KSR2: variants seen among roughly 807,000 people sequenced by gnomAD.
KSR2 encodes the protein kinase suppressor of ras 2.
In KSR2, 25 loss-of-function variants were observed where a neutral mutation model predicts 107.8. The observed-to-expected ratio is 0.23, with a 90% CI of 0.17 to 0.32. KSR2 has a LOEUF of 0.32. Among genes scored for constraint, KSR2 ranks in the 10% least tolerant of loss-of-function variants. The probability of loss-of-function intolerance (pLI) is 1.00; values close to 1 mark genes in which losing one functional copy is unlikely to be tolerated. For synonymous variants in KSR2, 480 were observed against 507.0 expected (o/e 0.95, Z 0.71); for missense variants, 887 against 1,268.9 (o/e 0.70, Z 4.57).
At chr12:117,876,024 A>G (rs2137302718) in intron 1 of KSR2, among the ~76,000 whole-genome samples, 2 of 152,266 alleles carry the variant, frequency 1.3e-5, no homozygotes, top group Middle Eastern at 6.8e-3. Flanking sequence ...CCAGGCCACT[A>G]AAAATAAATC....
At chr12:117,602,106 G>A (rs1880990326) in intron 5 of KSR2, among the ~76,000 whole-genome samples, 1 of 152,108 alleles carries the variant, frequency 6.6e-6, no homozygotes, top group Admixed American at 6.5e-5. Context: ...ATGTTCCTGT[G>A]TCACTAGATA....
chr12:117,801,283 A>AT (rs35746430), intron 3 of KSR2, among the ~76,000 whole-genome samples: 25,918 of 135,938 alleles, frequency 0.19, 2,923 homozygotes, highest in African/African-American at 0.33. Flanking sequence ...TGCCCGGCTA[A>AT]TTTTTTTTTT....
At chr12:117,924,633 A>G (rs1895454269) in intron 1 of KSR2, among the ~76,000 whole-genome samples, 1 of 151,752 alleles carries the variant, frequency 6.6e-6, no homozygotes, top group Non-Finnish European at 1.5e-5. Context: ...GCATGAAGGA[A>G]GAAGTTAAAC....
chr12:117,558,374 G>C (rs1877854108), intron 8 of KSR2, 132 bp downstream of exon 8: 3 of 668,702 alleles, frequency 4.5e-6, no homozygotes, highest in Non-Finnish European at 5.4e-6. Context: ...GCGTCAGAGA[G>C]AAAGAAACAA....
intron 1 of KSR2, among the ~76,000 whole-genome samples, chr12:117,910,339 A>C (rs1483095904): frequency 6.6e-6 from 1 of 152,194 alleles, no homozygotes; most frequent in Non-Finnish European, 1.5e-5. Context: ...TAACCAAGAG[A>C]GAGTGCCCAT....
chr12:117,910,070 A>C (rs1273063651), intron 1 of KSR2, among the ~76,000 whole-genome samples: 1 of 151,942 alleles, frequency 6.6e-6, no homozygotes, highest in Non-Finnish European at 1.5e-5. Flanking sequence ...TCTGCAAAAA[A>C]ATAAGTATAC....
At chr12:117,552,171 A>G (rs2137324570) in intron 9 of KSR2, among the ~76,000 whole-genome samples, 1 of 152,324 alleles carries the variant, frequency 6.6e-6, no homozygotes, top group Middle Eastern at 3.4e-3. Context: ...TTTTGATCAA[A>G]GGCCCCCAAA....
intron 1 of KSR2, among the ~76,000 whole-genome samples, chr12:117,916,106 T>C (rs1895162749): frequency 6.6e-6 from 1 of 151,852 alleles, no homozygotes; most frequent in African/African-American, 2.4e-5. Flanking sequence ...CTACAAGACT[T>C]TTTAAATTTT....
chr12:117,836,694 A>G (rs2592290), intron 3 of KSR2, among the ~76,000 whole-genome samples: 112,623 of 152,166 alleles, frequency 0.74, 41,918 homozygotes, highest in Admixed American at 0.79. Flanking sequence ...CGGGAGGCCC[A>G]GCCCCTTGCC....
intron 14 of KSR2, among the ~76,000 whole-genome samples, chr12:117,493,652 G>A (rs1317854323): frequency 1.3e-5 from 2 of 152,138 alleles, no homozygotes; most frequent in African/African-American, 4.8e-5. Context: ...CTATGATGAC[G>A]AACTGTCTCC....
chr12:117,656,981 GATAT>G (rs59605571), intron 5 of KSR2, among the ~76,000 whole-genome samples: 5,818 of 97,964 alleles, frequency 0.059, 262 homozygotes, highest in Middle Eastern at 0.083. Flanking sequence ...TATATAATAG[GATAT>G]ATATATATAT....
chr12:117,878,172 A>G (rs966580875), intron 1 of KSR2, among the ~76,000 whole-genome samples: 8 of 134,832 alleles, frequency 5.9e-5, no homozygotes, highest in African/African-American at 2.5e-4. Context: ...GAATTCAGGC[A>G]AACTTAACCT....
chr12:117,947,174 G>T (rs1896204707), intron 1 of KSR2, among the ~76,000 whole-genome samples: 1 of 35,742 alleles, frequency 2.8e-5, no homozygotes, highest in East Asian at 6.8e-4. Flanking sequence ...TCAAAAGAAA[G>T]AAAGAAAGAA....
At chr12:117,674,324 T>TG (rs1305623721) in intron 4 of KSR2, 2 of 503,218 alleles carry the variant, frequency 4.0e-6, no homozygotes, top group South Asian at 1.5e-5. Context: ...CAGACTCACT[T>TG]GCATTTGGTT....
intron 4 of KSR2, chr12:117,674,214 T>C: frequency 2.2e-6 from 1 of 461,578 alleles, no homozygotes; most frequent in South Asian, 1.5e-5. Context: ...TTACATTGTC[T>C]TTGAATGAGT....
intron 7 of KSR2, 48 bp from the exon 8 acceptor site, chr12:117,558,621 G>A (rs1352960168): frequency 1.4e-6 from 2 of 1,461,122 alleles, no homozygotes; most frequent in African/African-American, 1.4e-5. Context: ...ATGGCTGAGT[G>A]AGCGGGTAGG....
At chr12:117,886,717 G>A (rs1894188391) in intron 1 of KSR2, among the ~76,000 whole-genome samples, 1 of 151,956 alleles carries the variant, frequency 6.6e-6, no homozygotes, top group Non-Finnish European at 1.5e-5. Flanking sequence ...ATATGTAAAT[G>A]TACATAATAT....
chr12:117,920,890 T>C (rs1298010399), intron 1 of KSR2, among the ~76,000 whole-genome samples: 1 of 152,164 alleles, frequency 6.6e-6, no homozygotes, highest in African/African-American at 2.4e-5. Context: ...GGCTAACTCC[T>C]GGGTGGCAAA....
At chr12:117,624,287 C>T (rs1319073486) in intron 5 of KSR2, among the ~76,000 whole-genome samples, 67 of 152,092 alleles carry the variant, frequency 4.4e-4, no homozygotes, top group African/African-American at 1.5e-3. Flanking sequence ...GTTTTAGTCA[C>T]GAAGTCCTTG....
Sources: gnomAD v4.1 joint callset for allele counts (sites outside exome capture counted in the v4.1 genomes callset) on GRCh38, gnomAD v4.1.1 for gene constraint, MANE v1.5 for transcripts, NCBI Gene and HGNC (gene_info 2026-07-23, HGNC 2026-07-21) for gene names.